The following ALAS2 variants were observed in gnomAD, a reference collection of about 807,000 sequenced individuals.
The protein encoded by ALAS2 is 5-aminolevulinate synthase, erythroid-specific, mitochondrial.
In ALAS2, 3 loss-of-function variants were observed where a neutral mutation model predicts 33.7. That is an observed-to-expected ratio of 0.09 (90% CI 0.04 to 0.23). ALAS2 has a LOEUF of 0.23. Ranked by LOEUF, ALAS2 falls within the 10% of genes least tolerant of loss-of-function variation. The pLI, the probability that ALAS2 is intolerant of heterozygous loss-of-function variation, is 1.00. For missense variants in ALAS2, 304 were observed against 475.1 expected, an observed-to-expected ratio of 0.64 and a Z score of 3.35; for synonymous variants, 191 against 177.3, an observed-to-expected ratio of 1.08 and a Z score of -0.61.
At chrX:55,024,648 C>G (rs1251398511) in intron 3 of ALAS2, 70 bp downstream of exon 3, 1 of 1,190,276 alleles carries the variant, frequency 8.4e-7, no homozygotes, top group Admixed American at 2.2e-5. Context: ...ATTAGCCTAG[C>G]TCAGGACTGT....
chrX:55,015,547 G>A (rs1330258321), intron 8 of ALAS2, 31 bp downstream of exon 8: 1 of 1,205,796 alleles, frequency 8.3e-7, no homozygotes, highest in Non-Finnish European at 1.1e-6. Context: ...TCTCTGGAGG[G>A]TATATAAGAA....
chrX:55,009,410 A>G, intron 10 of ALAS2, 67 bp from the exon 11 acceptor site: 2 of 1,066,697 alleles, frequency 1.9e-6, no homozygotes, highest in Non-Finnish European at 2.5e-6. Flanking sequence ...CTGTCACAGT[A>G]CAGATGAGCC....
chrX:55,016,019 G>A (rs1247510347), intron 7 of ALAS2, among the ~76,000 whole-genome samples: 1 of 106,933 alleles, frequency 9.4e-6, no homozygotes, highest in African/African-American at 3.4e-5. Context: ...GTACGTGTGT[G>A]TGCGCATGTG....
intron 2 of ALAS2, 129 bp from the exon 3 acceptor site, chrX:55,024,969 A>C: frequency 1.1e-6 from 1 of 896,334 alleles, no homozygotes; most frequent in Non-Finnish European, 1.6e-6. Flanking sequence ...GAGATAGATG[A>C]GTCTGGTCCC....
At chrX:55,015,544 A>G (rs1270505503) in intron 8 of ALAS2, 34 bp downstream of exon 8, 2 of 1,204,279 alleles carry the variant, frequency 1.7e-6, no homozygotes, top group East Asian at 3.0e-5. Flanking sequence ...TCCTCTCTGG[A>G]GGGTATATAA....
chrX:55,023,202 G>C (rs1935835918), intron 4 of ALAS2, among the ~76,000 whole-genome samples: 1 of 109,848 alleles, frequency 9.1e-6, no homozygotes, highest in Non-Finnish European at 1.9e-5. Context: ...GTGTGTGTGT[G>C]TGTGTGTGTG....
intron 10 of ALAS2, among the ~76,000 whole-genome samples, chrX:55,011,351 A>T (rs997694637): frequency 8.9e-6 from 1 of 112,006 alleles, no homozygotes; most frequent in Non-Finnish European, 1.9e-5. Flanking sequence ...TTTTTAAGAT[A>T]AAAAAACATA....
At position 55,014,967 on chromosome X, in the gene ALAS2, A is replaced by G; in HGVS notation, c.1217T>C (p.Leu406Ser). The change falls in exon 9 of 11, where the codon TTG (leucine) becomes TCG (serine). Residue 406 changes from leucine (L) to serine (S), a missense_variant. Physicochemically the swap from Leu to Ser is moderately radical, Grantham distance 145. Transcript: ENST00000650242. ...VGGYIASTRDLVDMVRSYAAG... is the reference protein window; with the variant it reads ...VGGYIASTRDSVDMVRSYAAG... Reference sequence around the variant, plus strand: ...AGCATAGGAGCGCACCATGTCCACCAAGTCACGGGTGCTGGCAATGTAGCC... The same window carrying G: ...AGCATAGGAGCGCACCATGTCCACCGAGTCACGGGTGCTGGCAATGTAGCC... The G allele has an allele frequency of 8.3e-7, 1 of 1,210,524 alleles. No individual in the cohort carries two copies. The highest frequency in any genetic ancestry group is 1.1e-6 in the Non-Finnish European group (1 of 894,837).
At position 55,026,550 on chromosome X, in the gene ALAS2, A is replaced by G. The variant is rs767613760; in HGVS notation, c.-15-535T>C. Among the ~76,000 whole-genome samples, 4 of 112,004 alleles carry G rather than the reference A, an allele frequency of 3.6e-5. No homozygotes were observed. The South Asian group carries it at 1.5e-3, about 42-fold the overall frequency. ...AGGTCACATGTATCAGTTTAAGGAA[A>G]TCAAGGGATCCGGAAGGAAGGGTAG... On this transcript the variant is annotated intron_variant, in intron 1 of 10. Transcript: ENST00000650242.
At chrX:55,023,607 C>G in intron 4 of ALAS2, 150 bp downstream of exon 4, 1 of 506,141 alleles carries the variant, frequency 2.0e-6, no homozygotes, top group Non-Finnish European at 3.4e-6. Context: ...GCCAAAACAC[C>G]TAGATCCAGC....
chrX:55,019,120 G>C (rs1414163859), intron 6 of ALAS2, among the ~76,000 whole-genome samples: 11 of 110,793 alleles, frequency 9.9e-5, no homozygotes, highest in Non-Finnish European at 7.5e-5. Flanking sequence ...GGAGGAAAGA[G>C]GGCAGTAGCT....
Position 55,030,944 on chromosome X carries a change from G to A in ALAS2, c.-18C>T, listed in dbSNP as rs1026247577. On this transcript the variant is annotated splice_region_variant and 5_prime_UTR_variant, in exon 1 of 11. Coordinates refer to ENST00000650242, the MANE Select transcript of ALAS2 (RefSeq NM_000032.5). ...GCCAGGCTGAAAGCAGCTCTTACCT[G>A]TTGCCCTGCACTGAGGACGAACGAA... The A allele has an allele frequency of 2.9e-6, 1 of 342,155 alleles. No homozygotes were observed. Among genetic ancestry groups the A allele is most frequent in the African/African-American group, 2.6e-5 (1 of 38,318 alleles). The allele number at this position is 342,155 out of a possible 1,213,427, so 28.2% of individuals were successfully genotyped here.
chrX:55,028,245 C>T (rs1602254910), intron 1 of ALAS2, among the ~76,000 whole-genome samples: 2 of 110,961 alleles, frequency 1.8e-5, no homozygotes, highest in South Asian at 3.8e-4. Flanking sequence ...TGACCACTCC[C>T]CAAGCTGAGA....
rs2146725812 is a variant in ALAS2, at chrX:55,024,609, A to G, written c.304+109T>C. The G allele has an allele frequency of 3.7e-6, 4 of 1,076,179 alleles. No individual in the cohort carries two copies. In the South Asian group the frequency reaches 5.7e-5, roughly 15 times the overall value. The allele number at this position is 1,076,179 out of a possible 1,213,427, so 88.7% of individuals were successfully genotyped here. On this transcript the variant is annotated intron_variant, in intron 3 of 10. Coordinates refer to ENST00000650242, the MANE Select transcript of ALAS2 (RefSeq NM_000032.5). ...CTCCCCTGGAAAGACTGGACTTCTC[A>G]TCATGGGATGTGTACTGGCTGCTTT...
At chrX:55,009,836 T>G (rs770337125) in intron 10 of ALAS2, among the ~76,000 whole-genome samples, 10 of 111,952 alleles carry the variant, frequency 8.9e-5, no homozygotes, top group Non-Finnish European at 1.9e-4. Context: ...TCTGTGTTCA[T>G]GCCCTTGTTG....
At chrX:55,015,513 G>A in intron 8 of ALAS2, 65 bp downstream of exon 8, 1 of 1,176,630 alleles carries the variant, frequency 8.5e-7, no homozygotes, top group Non-Finnish European at 1.2e-6. Context: ...GGAGGAGGCA[G>A]AAAAGAATTT....
In ALAS2 at chrX:55,023,779, G is replaced by C. The variant is rs199827097; in HGVS notation, c.393C>G (p.His131Gln). Residue 131 changes from histidine to glutamine, a missense_variant, in exon 4 of 11, where the codon CAC (histidine) becomes CAG (glutamine). Physicochemically the swap from His to Gln is conservative, Grantham distance 24. Transcript: ENST00000650242. ...EQEQISGKVT[H>Q]LIQNNMPGNY... ...CACCAGGCATATTGTTCTGAATCAG[G>C]TGTGTGACCTTCCCAGAGATCTGCT... The C allele has an allele frequency of 6.6e-6, 8 of 1,208,373 alleles. No homozygotes were observed. Among genetic ancestry groups the C allele is most frequent in the Non-Finnish European group, 7.8e-6 (7 of 894,403 alleles).
At chrX:55,030,921 C>T in intron 1 of ALAS2, 21 bp downstream of exon 1, 1 of 341,650 alleles carries the variant, frequency 2.9e-6, no homozygotes, top group Non-Finnish European at 5.9e-6. Context: ...GATAGGGTGC[C>T]AGGCTGAAAG....
rs140338593 is a variant in ALAS2, at chrX:55,025,198, C to G, written c.182-358G>C. ...ATGAGAAGTATGAGATTCTCCAGTA[C>G]AGGGTCTAGGAGAGGGTAATCTGAC... On this transcript the variant is annotated intron_variant, in intron 2 of 10. Transcript: ENST00000650242. Among the ~76,000 whole-genome samples, 53 of 111,775 alleles carry G rather than the reference C, an allele frequency of 4.7e-4. No homozygotes were observed. In the East Asian group the frequency reaches 0.014, roughly 30 times the overall value.
Sources: gnomAD v4.1 joint callset for allele counts (sites outside exome capture counted in the v4.1 genomes callset) on GRCh38, gnomAD v4.1.1 for gene constraint, MANE v1.5 for transcripts, NCBI Gene and HGNC (gene_info 2026-07-23, HGNC 2026-07-21) for gene names.